WAC: variants seen among roughly 807,000 people sequenced by gnomAD.
WAC encodes WW domain containing adaptor with coiled-coil, also known as WW domain-containing adapter protein with coiled-coil.
Under a neutral mutation model 79.6 loss-of-function variants are expected in WAC, and 11 were observed. The ratio of observed to expected loss-of-function variants is 0.14; its 90% CI spans 0.09 to 0.23. The LOEUF is 0.23. Among genes scored for constraint, WAC ranks in the 10% least tolerant of loss-of-function variants. WAC has a pLI of 1.00. For missense variants in WAC, 728 were observed against 773.5 expected (o/e 0.94, Z 0.70); for synonymous variants, 304 against 276.9 (o/e 1.10, Z -0.97).
At position 28,610,737 on chromosome 10, in the gene WAC, A is replaced by G. The variant is rs745884564; in HGVS notation, c.1204A>G (p.Ile402Val). 19 of 1,612,270 alleles carry G rather than the reference A, an allele frequency of 1.2e-5. 1 individual carries two copies. The highest frequency in any genetic ancestry group is 1.4e-5 in the Non-Finnish European group (17 of 1,179,654). Residue 402 changes from isoleucine to valine, a missense_variant, in exon 9 of 14, where the codon ATA (isoleucine) becomes GTA (valine). By Grantham distance (29) the Ile-to-Val change is conservative. Around this residue, in one of 3 missense-constraint regions of WAC, gnomAD observed 648 missense variants for 661.5 expected, o/e 0.98. Transcript: ENST00000354911. ...AAVTQASLQS[I>V]IHKFLTAGPS... ...TGTGACACAAGCCTCACTGCAGTCT[A>G]TAATTCATAAGTTTCTTACTGCTGG...
rs745648614 is a variant in WAC, at chr10:28,590,786, AAG to A, written c.569_570del (p.Glu190GlyfsTer8). The A allele has an allele frequency of 6.2e-7, 1 of 1,612,370 alleles. No individual in the cohort carries two copies. The highest frequency in any genetic ancestry group is 2.2e-5 in the East Asian group (1 of 44,822). On this transcript the variant is annotated frameshift_variant, in exon 6 of 14. Transcript: ENST00000354911. LOFTEE classifies it high-confidence loss of function. Reference sequence around the variant, plus strand: ...GCTTCCCAAAAGATAGGGATTACAGAAGAGAGGTGATGCAAGCAACAGCCACT... The same window carrying A: ...GCTTCCCAAAAGATAGGGATTACAGAAGAGGTGATGCAAGCAACAGCCACT... Reference protein sequence around the residue: ...NSFPKDRDYRREVMQATATSG... With the variant: ...NSFPKDRDYRXEVMQATATSG...
In WAC at chr10:28,593,594, C is replaced by T. The variant is rs953180756; in HGVS notation, c.611-2139C>T. Among the ~76,000 whole-genome samples the T allele has an allele frequency of 3.3e-5, 5 of 151,526 alleles. No homozygotes were observed. The East Asian group carries it at 9.7e-4, about 29-fold the overall frequency. On this transcript the variant is annotated intron_variant, in intron 6 of 13. Transcript: ENST00000354911. The stretch of plus-strand genomic sequence containing the variant: ...ACCAGCCCGGCCAATGTGGTGAAAC[C>T]CCGTCTCTACTAAAAATACAAAAAT...
At chr10:28,588,100 C>T (rs561138199) in intron 4 of WAC, among the ~76,000 whole-genome samples, 1 of 152,272 alleles carries the variant, frequency 6.6e-6, no homozygotes, top group South Asian at 2.1e-4. Flanking sequence ...CTCATTCTAC[C>T]TCTTCAGTTC....
At chr10:28,612,653 A>G (rs1485948826) in intron 10 of WAC, among the ~76,000 whole-genome samples, 1 of 151,946 alleles carries the variant, frequency 6.6e-6, no homozygotes, top group Non-Finnish European at 1.5e-5. Context: ...ATGCATTGAA[A>G]TATAACTTGA....
rs1393269878 is a variant in WAC, at chr10:28,589,996, G to A, written c.497+145G>A. 1.5e-5 allele frequency: 9 copies of A among 603,056 alleles called. No homozygotes were observed. In the Admixed American group the frequency reaches 2.3e-4, roughly 16 times the overall value. 37.4% of individuals were successfully genotyped at this position (603,056 alleles called of 1,614,324 possible). ...AGTTGCGGTGGTTGGTTGCCCCTTC[G>A]TGTTTTCCATAGTTTGTCTTTACTT... On this transcript the variant is annotated intron_variant, in intron 5 of 13. Coordinates refer to ENST00000354911, the MANE Select transcript of WAC (RefSeq NM_016628.5).
intron 3 of WAC, among the ~76,000 whole-genome samples, chr10:28,582,032 C>T (rs564996605): frequency 5.3e-5 from 8 of 152,320 alleles, no homozygotes; most frequent in Non-Finnish European, 1.0e-4. Context: ...ATACCACCTA[C>T]GTTGTTCTTA....
chr10:28,535,588 C>A lies in WAC; in HGVS notation c.105C>A (p.His35Gln). ...YQALKYSSKS[H>Q]PSSGDHRHEK... is the part of the protein sequence containing the mutation. ...CACTTAAGTATTCATCGAAGAGTCA[C>A]CCCAGTAGCGGTGATCACAGACATG... is the stretch of plus-strand genomic sequence containing the variant. The change falls in exon 3 of 14, where the codon CAC becomes CAA. Residue 35 changes from histidine to glutamine, a missense_variant. Transcript: ENST00000354911. The A allele has an allele frequency of 1.9e-6, 3 of 1,613,490 alleles. No homozygotes were observed. Among genetic ancestry groups the A allele is most frequent in the Non-Finnish European group, 1.7e-6 (2 of 1,179,728 alleles).
intron 1 of WAC, 120 bp downstream of exon 1, chr10:28,533,740 G>C: frequency 8.4e-7 from 1 of 1,187,264 alleles, no homozygotes. Context: ...TCCGGATCGG[G>C]TTGGGGAGGA....
intron 7 of WAC, among the ~76,000 whole-genome samples, chr10:28,597,695 A>G (rs1273785155): frequency 6.6e-6 from 1 of 152,138 alleles, no homozygotes; most frequent in Non-Finnish European, 1.5e-5. Context: ...AGTATTTGTT[A>G]CGTATCCTCA....
At chr10:28,552,424 T>C (rs1837729663) in intron 3 of WAC, among the ~76,000 whole-genome samples, 1 of 152,230 alleles carries the variant, frequency 6.6e-6, no homozygotes, top group South Asian at 2.1e-4. Flanking sequence ...TACTCCTCTT[T>C]CTATTGTAAT....
Position 28,621,159 on chromosome 10 carries a change from G to C in WAC, c.*1553G>C, listed in dbSNP as rs1011768631. ...AAAATCTTGCCATCTGATTTAGAAA[G>C]GTGTTTCTTCTTCTTCTTCTTTTTT... On this transcript the variant is annotated 3_prime_UTR_variant, in exon 14 of 14. Coordinates refer to ENST00000354911, the MANE Select transcript of WAC (RefSeq NM_016628.5). 3 of 149,350 alleles carry C rather than the reference G, an allele frequency of 2.0e-5. No homozygotes were observed. Among genetic ancestry groups the C allele is most frequent in the African/African-American group, 7.4e-5 (3 of 40,486 alleles). The allele number at this position is 149,350 out of a possible 1,614,324, so 9.3% of individuals were successfully genotyped here.
intron 3 of WAC, among the ~76,000 whole-genome samples, chr10:28,536,777 C>T (rs1218569302): frequency 6.6e-6 from 1 of 152,186 alleles, no homozygotes; most frequent in Non-Finnish European, 1.5e-5. Flanking sequence ...CATTTCATGT[C>T]AAAAGCATGC....
At chr10:28,560,182 A>C (rs555867819) in intron 3 of WAC, among the ~76,000 whole-genome samples, 1 of 152,138 alleles carries the variant, frequency 6.6e-6, no homozygotes, top group Non-Finnish European at 1.5e-5. Flanking sequence ...TTTCTGCAAA[A>C]AATAAAATAA....
chr10:28,620,706 T>G lies in WAC; in HGVS notation c.*1100T>G, dbSNP rs1282169691. The G allele has an allele frequency of 1.3e-5, 2 of 152,232 alleles. No homozygotes were observed. The highest frequency in any genetic ancestry group is 4.8e-5 in the African/African-American group (2 of 41,460). The allele number at this position is 152,232 out of a possible 1,614,324, so 9.4% of individuals were successfully genotyped here. A position where few individuals can be genotyped will look rare whatever the true frequency, so the allele number is the denominator to read the frequency against. ...AACAGGAAATTGTGTATGAGATATT[T>G]AATGAAATAAGAAATTCAACAAGAA... On this transcript the variant is annotated 3_prime_UTR_variant, in exon 14 of 14. Transcript: ENST00000354911.
chr10:28,559,132 CCTGAT>C (rs952227451), intron 3 of WAC, among the ~76,000 whole-genome samples: 4 of 68,330 alleles, frequency 5.9e-5, no homozygotes, highest in African/African-American at 2.8e-4. Context: ...TCTCGAGAAA[CCTGAT>C]GTGTGTGTGT....
chr10:28,533,622 T>C lies in WAC; in HGVS notation c.41+2T>C. 1 of 1,590,414 alleles carries C rather than the reference T, an allele frequency of 6.3e-7. No individual in the cohort carries two copies. Among genetic ancestry groups the C allele is most frequent in the Non-Finnish European group, 8.6e-7 (1 of 1,167,900 alleles). On this transcript the variant is annotated splice_donor_variant, in intron 1 of 13. Transcript: ENST00000354911. LOFTEE classifies it high-confidence loss of function. ...GAAACAGCAGAGACTCAGTGATGGG[T>C]AAATTGTCTTTTCGTTTCGGGCCGG...
intron 4 of WAC, among the ~76,000 whole-genome samples, chr10:28,586,644 C>T (rs1017485946): frequency 3.9e-5 from 6 of 151,962 alleles, no homozygotes; most frequent in African/African-American, 7.2e-5. Flanking sequence ...GCTATGGTTG[C>T]GCCACTGCAC....
At chr10:28,535,879 A>G in intron 3 of WAC, 122 bp downstream of exon 3, 1 of 869,586 alleles carries the variant, frequency 1.1e-6, no homozygotes, top group Non-Finnish European at 1.7e-6. Context: ...AAATATTTTA[A>G]TCCTATCATT....
At chr10:28,561,283 G>A (rs1838287278) in intron 3 of WAC, among the ~76,000 whole-genome samples, 1 of 152,190 alleles carries the variant, frequency 6.6e-6, no homozygotes, top group Non-Finnish European at 1.5e-5. Context: ...CCAGAACTGG[G>A]TACTCGCCAC....
Sources: gnomAD v4.1 joint callset for allele counts (sites outside exome capture counted in the v4.1 genomes callset) on GRCh38, gnomAD v4.1.1 for gene constraint, gnomAD v4.1.1 regional missense constraint, MANE v1.5 for transcripts, NCBI Gene and HGNC (gene_info 2026-07-23, HGNC 2026-07-21) for gene names.